KRABD5: variants seen among roughly 807,000 people sequenced by gnomAD.
The protein encoded by KRABD5 is KRAB domain containing 5.
At chr16:31,744,416 C>T in the KRABD5 span, among the ~76,000 whole-genome samples, 85 of 152,048 alleles carry the variant, frequency 5.6e-4, no homozygotes, top group African/African-American at 1.7e-3. Context: ...GTTTATATGA[C>T]GGATTACGTT....
At chr16:31,724,106 T>TGAATA in the KRABD5 span, among the ~76,000 whole-genome samples, 3 of 152,202 alleles carry the variant, frequency 2.0e-5, no homozygotes, top group African/African-American at 7.2e-5. Flanking sequence ...CTTTCAACTC[T>TGAATA]TACCTTATAT....
chr16:31,754,030 C>T, the KRABD5 span: 3 of 1,131,400 alleles, frequency 2.7e-6, no homozygotes. Context: ...GTTGCTTTTT[C>T]TAAACCATGT....
At chr16:31,730,969 C>T in the KRABD5 span, among the ~76,000 whole-genome samples, 1 of 152,072 alleles carries the variant, frequency 6.6e-6, no homozygotes, top group Non-Finnish European at 1.5e-5. Context: ...TATCTGTGTT[C>T]TTTTGCATCT....
chr16:31,754,300 C>T, the KRABD5 span: 8 of 620,020 alleles, frequency 1.3e-5, no homozygotes, highest in Middle Eastern at 4.2e-4. Context: ...CTCGTTCTGC[C>T]TGTGATCAAT....
the KRABD5 span, among the ~76,000 whole-genome samples, chr16:31,737,651 T>C: frequency 6.6e-6 from 1 of 152,208 alleles, no homozygotes; most frequent in Non-Finnish European, 1.5e-5. Flanking sequence ...TTCTGGACTC[T>C]CCAATCTGTT....
chr16:31,725,555 A>G, the KRABD5 span, among the ~76,000 whole-genome samples: 1 of 152,106 alleles, frequency 6.6e-6, no homozygotes, highest in Non-Finnish European at 1.5e-5. Context: ...ATGGCATACA[A>G]CGTTTCCTTT....
chr16:31,752,817 T>A, the KRABD5 span, among the ~76,000 whole-genome samples: 1 of 152,210 alleles, frequency 6.6e-6, no homozygotes, highest in Non-Finnish European at 1.5e-5. Context: ...CAGTGAGCTA[T>A]GATTGTACTC....
chr16:31,759,486 A>G, the KRABD5 span: 1 of 1,369,982 alleles, frequency 7.3e-7, no homozygotes, highest in Admixed American at 2.0e-5. Context: ...ATATGGGTCT[A>G]TTTATTTGTC....
chr16:31,753,657 T>C, the KRABD5 span: 1 of 1,079,254 alleles, frequency 9.3e-7, no homozygotes, highest in Non-Finnish European at 1.3e-6. Flanking sequence ...AAGTTTTTGA[T>C]TCAACTATCA....
At chr16:31,748,605 G>A in the KRABD5 span, among the ~76,000 whole-genome samples, 29 of 152,132 alleles carry the variant, frequency 1.9e-4, no homozygotes, top group African/African-American at 4.8e-4. Flanking sequence ...CAATTCTTCC[G>A]TCTCATCTTC....
the KRABD5 span, among the ~76,000 whole-genome samples, chr16:31,713,952 C>A: frequency 2.0e-5 from 3 of 152,306 alleles, no homozygotes; most frequent in East Asian, 3.9e-4. Context: ...AGGAATGCTG[C>A]TGGGGAAAAG....
chr16:31,720,629 G>A, the KRABD5 span, among the ~76,000 whole-genome samples: 1 of 152,110 alleles, frequency 6.6e-6, no homozygotes, highest in African/African-American at 2.4e-5. Flanking sequence ...AATATACAAC[G>A]ATTATGGGTC....
chr16:31,753,435 T>C, the KRABD5 span, among the ~76,000 whole-genome samples: 4 of 152,204 alleles, frequency 2.6e-5, no homozygotes, highest in Non-Finnish European at 5.9e-5. Flanking sequence ...TATGTTTTGC[T>C]CCTTTTATTT....
At chr16:31,755,691 A>T in the KRABD5 span, 1 of 436,070 alleles carries the variant, frequency 2.3e-6, no homozygotes, top group Non-Finnish European at 4.6e-6. Context: ...ACTCGACATA[A>T]AAGTATTCAT....
the KRABD5 span, among the ~76,000 whole-genome samples, chr16:31,720,185 A>G: frequency 6.6e-6 from 1 of 152,232 alleles, no homozygotes; most frequent in South Asian, 2.1e-4. Context: ...CCAAATGCTG[A>G]CTTAGATGTT....
At chr16:31,720,959 A>G in the KRABD5 span, among the ~76,000 whole-genome samples, 14 of 152,174 alleles carry the variant, frequency 9.2e-5, no homozygotes, top group African/African-American at 4.8e-5. Context: ...TTCCATTTTA[A>G]TTTGCTAATT....
At chr16:31,744,631 G>C in the KRABD5 span, among the ~76,000 whole-genome samples, 1 of 152,148 alleles carries the variant, frequency 6.6e-6, no homozygotes, top group African/African-American at 2.4e-5. Flanking sequence ...GATGATGCTG[G>C]CTTCATAAAC....
the KRABD5 span, chr16:31,733,753 C>G: frequency 5.0e-6 from 2 of 397,906 alleles, no homozygotes; most frequent in African/African-American, 4.1e-5. Context: ...CAGTAATGTT[C>G]TGTTGTGTAT....
At chr16:31,715,973 G>A in the KRABD5 span, among the ~76,000 whole-genome samples, 1 of 152,166 alleles carries the variant, frequency 6.6e-6, no homozygotes, top group South Asian at 2.1e-4. Flanking sequence ...TCTGAGAACA[G>A]ACCCCTGCCC....
Sources: gnomAD v4.1 joint callset for allele counts (sites outside exome capture counted in the v4.1 genomes callset) on GRCh38, gnomAD v4.1.1 for gene constraint, MANE v1.5 for transcripts, NCBI Gene and HGNC (gene_info 2026-07-23, HGNC 2026-07-21) for gene names.